ZSWIM8: variants seen among roughly 807,000 people sequenced by gnomAD.
ZSWIM8 encodes the protein zinc finger SWIM-type containing 8, also known as zinc finger SWIM domain-containing protein 8.
In ZSWIM8, 27 loss-of-function variants were observed where a neutral mutation model predicts 173.7. The ratio of observed to expected loss-of-function variants is 0.16; its 90% CI spans 0.11 to 0.21. The LOEUF (loss-of-function observed/expected upper bound fraction) is 0.21. ZSWIM8 is among the 10% of genes least tolerant of loss of function. The pLI, the probability that ZSWIM8 is intolerant of heterozygous loss-of-function variation, is 1.00. For synonymous variants in ZSWIM8, 958 were observed against 962.0 expected (o/e 1.00, Z 0.08); for missense variants, 1,627 against 2,428.8 (o/e 0.67, Z 6.94).
intron 20 of ZSWIM8, 133 bp from the exon 21 acceptor site, chr10:73,798,869 C>CTT: frequency 7.9e-7 from 1 of 1,260,202 alleles, no homozygotes. Flanking sequence ...ATAATGGACT[C>CTT]TAAGCATTGA....
At position 73,799,447 on chromosome 10, in the gene ZSWIM8, C is replaced by G. The variant is rs1024049501; in HGVS notation, c.4622C>G (p.Pro1541Arg). The change falls in exon 21 of 26, where the codon CCC (proline) becomes CGC (arginine). Residue 1541 changes from proline to arginine, a missense_variant. Transcript: ENST00000604729. ...AHPAHPMPHM[P>R]RPAVFPVPSS... is the part of the protein sequence containing the mutation. ...CCTGCCCACCCCATGCCTCACATGCCCCGGCCTGCCGTCTTCCCTGTGCCC... is the reference window on the plus strand; with the variant it reads ...CCTGCCCACCCCATGCCTCACATGCGCCGGCCTGCCGTCTTCCCTGTGCCC... The G allele has an allele frequency of 6.2e-7, 1 of 1,602,844 alleles. No individual in the cohort carries two copies. The highest frequency in any genetic ancestry group is 1.3e-5 in the African/African-American group (1 of 74,612).
intron 1 of ZSWIM8, 49 bp downstream of exon 1, chr10:73,786,135 C>G (rs1247352068): frequency 6.8e-7 from 1 of 1,465,650 alleles, no homozygotes; most frequent in Non-Finnish European, 9.1e-7. Context: ...GCTTGGGCCT[C>G]GCTCGGGAGC....
In ZSWIM8 at chr10:73,791,388, G is replaced by A; in HGVS notation, c.1208G>A (p.Gly403Asp). 1 of 1,613,950 alleles carries A rather than the reference G, an allele frequency of 6.2e-7. No homozygotes were observed. Among genetic ancestry groups the A allele is most frequent in the Non-Finnish European group, 8.5e-7 (1 of 1,179,836 alleles). ...ASHSSASGHT[G>D]RSNGQSEVAA... Reference sequence around the variant, plus strand: ...CACAGCAGTGCCAGTGGGCACACGGGCCGTAGCAACGGGCAGTCAGAGGTG... The same window carrying A: ...CACAGCAGTGCCAGTGGGCACACGGACCGTAGCAACGGGCAGTCAGAGGTG... Residue 403 changes from glycine to aspartate, a missense_variant, in exon 9 of 26, where the codon GGC becomes GAC. Physicochemically the swap from Gly to Asp is moderately conservative, Grantham distance 94. Transcript: ENST00000604729. This position sits in a 1 kb window ranked among gnomAD's most constrained non-coding sequence, Gnocchi z 6.0.
In ZSWIM8 at chr10:73,796,805, A is replaced by G. The variant is rs1565082656; in HGVS notation, c.3065A>G (p.Gln1022Arg). 5.0e-6 allele frequency: 8 copies of G among 1,613,962 alleles called. No homozygotes were observed. The highest frequency in any genetic ancestry group is 6.8e-6 in the Non-Finnish European group (8 of 1,179,896). ...ILDKLLDRES[Q>R]THKPQTLSSF... ...GACAAACTCTTGGACCGAGAGAGCC[A>G]GACACATAAGCCACAGACGCTGAGT... is the stretch of plus-strand genomic sequence containing the variant. Residue 1022 changes from glutamine (Q) to arginine (R), a missense_variant, in exon 16 of 26, where the codon CAG becomes CGG. Physicochemically the swap from Gln to Arg is conservative, Grantham distance 43. Transcript: ENST00000604729.
At position 73,799,449 on chromosome 10, in the gene ZSWIM8, C is replaced by T. The variant is rs1279077291; in HGVS notation, c.4624C>T (p.Arg1542Trp). Residue 1542 changes from arginine (R) to tryptophan (W), a missense_variant, in exon 21 of 26, where the codon CGG becomes TGG. This residue lies in a region of ZSWIM8 where 275 missense variants were observed against 290.1 expected (regional missense o/e 0.95). Coordinates refer to ENST00000604729, the MANE Select transcript of ZSWIM8 (RefSeq NM_001367799.1). Reference protein sequence around the residue: ...HPAHPMPHMPRPAVFPVPSSA... With the variant: ...HPAHPMPHMPWPAVFPVPSSA... ...TGCCCACCCCATGCCTCACATGCCC[C>T]GGCCTGCCGTCTTCCCTGTGCCCAG... 3 of 1,602,426 alleles carry T rather than the reference C, an allele frequency of 1.9e-6. No individual in the cohort carries two copies. The highest frequency in any genetic ancestry group is 1.7e-6 in the Non-Finnish European group (2 of 1,174,568).
At chr10:73,790,371 T>C in intron 7 of ZSWIM8, 79 bp downstream of exon 7, 1 of 1,522,648 alleles carries the variant, frequency 6.6e-7, no homozygotes, top group Non-Finnish European at 8.8e-7. Flanking sequence ...CTTTCTTCTA[T>C]TCATGCCTGT....
At position 73,789,539 on chromosome 10, in the gene ZSWIM8, C is replaced by G; in HGVS notation, c.630C>G (p.Asn210Lys). 1.2e-6 allele frequency: 2 copies of G among 1,611,764 alleles called. No homozygotes were observed. Among genetic ancestry groups the G allele is most frequent in the Non-Finnish European group, 1.7e-6 (2 of 1,179,426 alleles). ...CACTCTGTCTCTTCCGCATCCACAA[C>G]GTGAGGCCCTCCCAATTTATCCCGG... ...VVALCLFRIH[N>K]ASAVCLRAPV... is the part of the protein sequence containing the mutation. Residue 210 changes from asparagine to lysine, a missense_variant and splice_region_variant, in exon 4 of 26, where the codon AAC (asparagine) becomes AAG (lysine). This residue lies in a region of ZSWIM8 where 39 missense variants were observed against 154.0 expected (regional missense o/e 0.25). Transcript: ENST00000604729. This position sits in a 1 kb window ranked among gnomAD's most constrained non-coding sequence, Gnocchi z 6.8.
Position 73,798,209 on chromosome 10 carries a change from CCTT to C in ZSWIM8, c.3953-18_3953-16del, listed in dbSNP as rs777869154. ...GGTGCCCACACTAACCCAACTCTGC[CCTT>C]CTCTCCTTTCCCCTAAGGCCAGGCC... On this transcript the variant is annotated intron_variant, in intron 19 of 25. Coordinates refer to ENST00000604729, the MANE Select transcript of ZSWIM8 (RefSeq NM_001367799.1). 12 of 1,612,274 alleles carry C rather than the reference CCTT, an allele frequency of 7.4e-6. No individual in the cohort carries two copies. Among genetic ancestry groups the C allele is most frequent in the Non-Finnish European group, 1.0e-5 (12 of 1,178,520 alleles).
chr10:73,788,663 T>G lies in ZSWIM8; in HGVS notation c.209-7T>G, dbSNP rs758352966. ...CTTTCCCCTGATCCCAACCATTGTT[T>G]GCAAAGATGGACTGGTGATCCCATT... On this transcript the variant is annotated splice_region_variant and splice_polypyrimidine_tract_variant and intron_variant, in intron 1 of 25. Coordinates refer to ENST00000604729, the MANE Select transcript of ZSWIM8 (RefSeq NM_001367799.1). 4 of 1,613,846 alleles carry G rather than the reference T, an allele frequency of 2.5e-6. No individual in the cohort carries two copies. The highest frequency in any genetic ancestry group is 2.5e-6 in the Non-Finnish European group (3 of 1,179,788).
At chr10:73,793,563 G>C in intron 10 of ZSWIM8, 25 bp from the exon 11 acceptor site, 1 of 1,554,840 alleles carries the variant, frequency 6.4e-7, no homozygotes, top group Non-Finnish European at 8.7e-7. Context: ...ACTTTAACCT[G>C]TCTGGTCCCA....
rs368625457 is a variant in ZSWIM8, at chr10:73,801,222, G to A, written c.5301+27G>A. ...TGACAACCTAGAATTATGGAGCAGG[G>A]TGGAGCACTTCCTGGGTGGTCTTGG... On this transcript the variant is annotated intron_variant, in intron 25 of 25. Coordinates refer to ENST00000604729, the MANE Select transcript of ZSWIM8 (RefSeq NM_001367799.1). The surrounding 1 kb of genome is among the most constrained non-coding windows in gnomAD (Gnocchi z 4.9). 311 of 1,601,632 alleles carry A rather than the reference G, an allele frequency of 1.9e-4. 4 individuals carry two copies. In the South Asian group the frequency reaches 3.2e-3, roughly 16 times the overall value.
chr10:73,789,964 C>G lies in ZSWIM8; in HGVS notation c.747C>G (p.Pro249=). Residue 249 remains proline, a synonymous_variant, in exon 6 of 26, where the codon CCC becomes CCG. Coordinates refer to ENST00000604729, the MANE Select transcript of ZSWIM8 (RefSeq NM_001367799.1). The surrounding 1 kb of genome is among the most constrained non-coding windows in gnomAD (Gnocchi z 6.8). ...GTCTCTTTCTCCCTCAGATCCTCCC[C>G]ACAGCTCAGCGTCTCCTGGACGAAC... ...LISELPQQIL[P]TAQRLLDELL... 1 of 1,613,184 alleles carries G rather than the reference C, an allele frequency of 6.2e-7. No homozygotes were observed. Among genetic ancestry groups the G allele is most frequent in the East Asian group, 2.2e-5 (1 of 44,850 alleles).
rs1565078760 is a variant in ZSWIM8, at chr10:73,794,225, A to T, written c.2704A>T (p.Met902Leu). The change falls in exon 13 of 26, where the codon ATG becomes TTG. Residue 902 changes from methionine (M) to leucine (L), a missense_variant. By Grantham distance (15) the Met-to-Leu change is conservative. Around this residue, in one of 18 missense-constraint regions of ZSWIM8, gnomAD observed 169 missense variants for 235.3 expected, o/e 0.72. Coordinates refer to ENST00000604729, the MANE Select transcript of ZSWIM8 (RefSeq NM_001367799.1). The part of the protein sequence containing the change: ...IPLGPSEMST[M>L]RCRAEELREG... The stretch of plus-strand genomic sequence containing the variant: ...TCTGGGTCCAAGTGAGATGAGTACC[A>T]TGCGGTGCCGGGCAGAGGAACTTCG... 6 of 1,614,018 alleles carry T rather than the reference A, an allele frequency of 3.7e-6. No homozygotes were observed. The highest frequency in any genetic ancestry group is 5.1e-6 in the Non-Finnish European group (6 of 1,179,892).
rs1458614502 is a variant in ZSWIM8 at position 73,792,999 on chromosome 10, A to G, written c.2313+147A>G. 1 of 1,006,464 alleles carries G rather than the reference A, an allele frequency of 9.9e-7. No homozygotes were observed. The highest frequency in any genetic ancestry group is 1.4e-6 in the Non-Finnish European group (1 of 708,502). The allele number at this position is 1,006,464 out of a possible 1,614,324, so 62.3% of individuals were successfully genotyped here. On this transcript the variant is annotated intron_variant, in intron 10 of 25. Coordinates refer to ENST00000604729, the MANE Select transcript of ZSWIM8 (RefSeq NM_001367799.1). This position sits in a 1 kb window ranked among gnomAD's most constrained non-coding sequence, Gnocchi z 4.3. ...GAACTGGTCTCCCTGCTTTCAGTCT[A>G]CTCACTTTTCTGCTTCCACGAGATT...
rs1285906859 is a variant in ZSWIM8, at chr10:73,791,563, T to A, written c.1319+64T>A. The A allele has an allele frequency of 6.9e-7, 1 of 1,455,666 alleles. No individual in the cohort carries two copies. Among genetic ancestry groups the A allele is most frequent in the Non-Finnish European group, 9.2e-7 (1 of 1,092,270 alleles). The allele number at this position is 1,455,666 out of a possible 1,614,324, so 90.2% of individuals were successfully genotyped here. On this transcript the variant is annotated intron_variant, in intron 9 of 25. Coordinates refer to ENST00000604729, the MANE Select transcript of ZSWIM8 (RefSeq NM_001367799.1). This position sits in a 1 kb window ranked among gnomAD's most constrained non-coding sequence, Gnocchi z 6.0. ...GGCCAGCTCAGGACAGACTGAGCCT[T>A]CATCTCCTTGTTTGCAGAGACATAC...
Position 73,801,578 on chromosome 10 carries a change from A to G in ZSWIM8, c.*59A>G. ...AGGCCTGTGGCTATGGGGGCCCCTC[A>G]CACAGGGGGAGTGAAACTTGGCTGG... On this transcript the variant is annotated 3_prime_UTR_variant, in exon 26 of 26. Transcript: ENST00000604729. This position sits in a 1 kb window ranked among gnomAD's most constrained non-coding sequence, Gnocchi z 4.9. The G allele has an allele frequency of 1.3e-6, 2 of 1,584,978 alleles. No individual in the cohort carries two copies. The highest frequency in any genetic ancestry group is 1.7e-6 in the Non-Finnish European group (2 of 1,168,286).
Position 73,795,456 on chromosome 10 carries a change from GGC to G in ZSWIM8, c.2909-82_2909-81del, listed in dbSNP as rs1010410287. ...GGAACCCCTTACTTCATATGCTGAT[GGC>G]TTGGGAACCCTGGCCTCTTACCTTT... On this transcript the variant is annotated intron_variant, in intron 14 of 25. Coordinates refer to ENST00000604729, the MANE Select transcript of ZSWIM8 (RefSeq NM_001367799.1). The G allele has an allele frequency of 6.3e-6, 10 of 1,578,828 alleles. No homozygotes were observed. In the Admixed American group the frequency reaches 1.2e-4, roughly 19 times the overall value.
rs776658498 is a variant in ZSWIM8, at chr10:73,801,506, C to T, written c.5492C>T (p.Thr1831Ile). 2.5e-6 allele frequency: 4 copies of T among 1,613,884 alleles called. No individual in the cohort carries two copies. In the South Asian group the frequency reaches 4.4e-5, roughly 18 times the overall value. ...LWQRVSLEMA[T>I]FSP ...CAGCGGGTCTCACTCGAGATGGCCA[C>T]CTTCTCCCCCTGAGTCTTTCACCCT... The change falls in exon 26 of 26, where the codon ACC becomes ATC. Residue 1831 changes from threonine (T) to isoleucine (I), a missense_variant. Coordinates refer to ENST00000604729, the MANE Select transcript of ZSWIM8 (RefSeq NM_001367799.1). This position sits in a 1 kb window ranked among gnomAD's most constrained non-coding sequence, Gnocchi z 4.9.
At chr10:73,794,092 G>A in intron 12 of ZSWIM8, 48 bp downstream of exon 12, 1 of 1,611,792 alleles carries the variant, frequency 6.2e-7, no homozygotes, top group South Asian at 1.1e-5. Context: ...TTAGAGCCTT[G>A]CACCTTGATC....
Sources: gnomAD v4.1 joint callset for allele counts on GRCh38, gnomAD v4.1.1 for gene constraint, gnomAD v4.1.1 regional missense constraint, Gnocchi (gnomAD v3.1) non-coding constraint, MANE v1.5 for transcripts, NCBI Gene and HGNC (gene_info 2026-07-23, HGNC 2026-07-21) for gene names.